The following CNOT6 variants were observed in gnomAD, a reference collection of about 807,000 sequenced individuals.
The protein encoded by CNOT6 is CCR4-NOT transcription complex subunit 6.
In CNOT6, 12 loss-of-function variants were observed where a neutral mutation model predicts 61.2. The observed-to-expected ratio is 0.20, with a 90% confidence interval of 0.13 to 0.32. CNOT6 has a LOEUF of 0.32. CNOT6 is among the 10% of genes least tolerant of loss of function. The probability of loss-of-function intolerance (pLI) is 1.00; values close to 1 mark genes in which losing one functional copy is unlikely to be tolerated. For synonymous variants in CNOT6, 225 were observed against 240.6 expected, an observed-to-expected ratio of 0.94 and a Z score of 0.60; for missense variants, 405 against 663.9, an observed-to-expected ratio of 0.61 and a Z score of 4.28.
intron 3 of CNOT6, among the ~76,000 whole-genome samples, chr5:180,550,950 T>C (rs888059604): frequency 1.3e-5 from 2 of 152,166 alleles, no homozygotes; most frequent in African/African-American, 4.8e-5. Context: ...TTATGAGTTG[T>C]GTGATCTTGG....
rs1554103628 is a variant in CNOT6 at position 180,567,237 on chromosome 5, A to C, written c.867A>C (p.Thr289=). 8 of 1,600,190 alleles carry C rather than the reference A, an allele frequency of 5.0e-6. No homozygotes were observed. The highest frequency in any genetic ancestry group is 5.9e-6 in the Non-Finnish European group (7 of 1,176,516). ...HVDGCAIFFK[T]EKFTLVQKHT... ...ATGGCTGTGCAATATTCTTCAAGAC[A>C]GAAAAGTAAGTCATCTTATTTTTTA... The change falls in exon 8 of 12, where the codon ACA becomes ACC. Residue 289 remains threonine (T), a synonymous_variant. Transcript: ENST00000261951.
intron 2 of CNOT6, among the ~76,000 whole-genome samples, chr5:180,539,551 C>G (rs563655348): frequency 0.036 from 1,332 of 37,106 alleles, 25 homozygotes; most frequent in African/African-American, 0.096. Context: ...TTTTTCTGTT[C>G]TTTTTTTTTT....
At chr5:180,539,840 C>G (rs989133780) in intron 2 of CNOT6, among the ~76,000 whole-genome samples, 1 of 151,968 alleles carries the variant, frequency 6.6e-6, no homozygotes, top group Admixed American at 6.5e-5. Context: ...CCGCCCGCCT[C>G]GGCCTCCCAA....
chr5:180,512,015 T>G (rs952418860), intron 1 of CNOT6, among the ~76,000 whole-genome samples: 6 of 152,232 alleles, frequency 3.9e-5, no homozygotes, highest in Non-Finnish European at 8.8e-5. Flanking sequence ...AATTTGTAGT[T>G]TCATTCAGCT....
In CNOT6 at chr5:180,527,087, C is replaced by G. The variant is rs549143238; in HGVS notation, c.-2-2188C>G. Reference sequence around the variant, plus strand: ...GTAAGAGATGGGGCCCAGGGTGGTGCTGGTCTCAAACTCCTGGGCCCAAGC... The same window carrying G: ...GTAAGAGATGGGGCCCAGGGTGGTGGTGGTCTCAAACTCCTGGGCCCAAGC... On this transcript the variant is annotated intron_variant, in intron 1 of 11. Coordinates refer to ENST00000261951, the MANE Select transcript of CNOT6 (RefSeq NM_001370472.1). 4.6e-5 allele frequency among the ~76,000 whole-genome samples: 7 copies of G among 152,110 alleles called. No homozygotes were observed. In the East Asian group the frequency reaches 1.4e-3, roughly 29 times the overall value.
intron 3 of CNOT6, among the ~76,000 whole-genome samples, chr5:180,552,745 T>C (rs1759687508): frequency 6.6e-6 from 1 of 152,182 alleles, no homozygotes; most frequent in African/African-American, 2.4e-5. Flanking sequence ...TCCCCCCGGC[T>C]CACCCTTGAA....
intron 11 of CNOT6, among the ~76,000 whole-genome samples, chr5:180,572,434 C>T (rs1760797845): frequency 6.6e-6 from 1 of 152,124 alleles, no homozygotes; most frequent in South Asian, 2.1e-4. Flanking sequence ...AAGTGATCCA[C>T]CCACCTTGGC....
At chr5:180,563,918 G>C (rs1226022204) in intron 4 of CNOT6, among the ~76,000 whole-genome samples, 2 of 149,964 alleles carry the variant, frequency 1.3e-5, no homozygotes, top group Non-Finnish European at 3.0e-5. Context: ...TTTACAGATG[G>C]CTCATGGCCC....
intron 1 of CNOT6, among the ~76,000 whole-genome samples, chr5:180,526,935 A>G (rs1758128301): frequency 6.7e-6 from 1 of 149,986 alleles, no homozygotes; most frequent in Admixed American, 6.7e-5. Flanking sequence ...GCTGGAGTGC[A>G]GGGACACAGT....
chr5:180,521,206 A>G (rs1332447622), intron 1 of CNOT6, among the ~76,000 whole-genome samples: 1 of 152,202 alleles, frequency 6.6e-6, no homozygotes, highest in Non-Finnish European at 1.5e-5. Context: ...GAGGGAAATT[A>G]ATCTGTAATG....
intron 2 of CNOT6, among the ~76,000 whole-genome samples, chr5:180,546,554 T>G (rs1192545052): frequency 6.6e-6 from 1 of 152,242 alleles, no homozygotes; most frequent in Non-Finnish European, 1.5e-5. Context: ...ATTATTTCTT[T>G]GTGATGTGTC....
At chr5:180,527,744 G>C (rs887305142) in intron 1 of CNOT6, among the ~76,000 whole-genome samples, 3 of 152,136 alleles carry the variant, frequency 2.0e-5, no homozygotes, top group Non-Finnish European at 4.4e-5. Context: ...TTTAGGTCTT[G>C]TAGCCCAAGG....
intron 10 of CNOT6, among the ~76,000 whole-genome samples, chr5:180,570,953 A>C (rs1760719673): frequency 6.6e-6 from 1 of 152,238 alleles, no homozygotes; most frequent in Non-Finnish European, 1.5e-5. Context: ...TTACAAAATA[A>C]GTAACCAGTA....
chr5:180,503,921 A>T (rs895820986), intron 1 of CNOT6, among the ~76,000 whole-genome samples: 1 of 151,990 alleles, frequency 6.6e-6, no homozygotes, highest in Non-Finnish European at 1.5e-5. Context: ...TCTTCTTAAC[A>T]CACTCTCATG....
At chr5:180,536,550 C>G (rs1001735016) in intron 2 of CNOT6, among the ~76,000 whole-genome samples, 3 of 152,120 alleles carry the variant, frequency 2.0e-5, no homozygotes, top group Non-Finnish European at 4.4e-5. Context: ...TCTAGTGATC[C>G]TCCTGCCTCA....
chr5:180,514,246 AC>A (rs1293923280), intron 1 of CNOT6, among the ~76,000 whole-genome samples: 1 of 147,592 alleles, frequency 6.8e-6, no homozygotes, highest in Non-Finnish European at 1.5e-5. Context: ...ACATGGTGAA[AC>A]CCCGTCTCTA....
At chr5:180,535,810 A>G (rs190640164) in intron 2 of CNOT6, among the ~76,000 whole-genome samples, 2 of 152,232 alleles carry the variant, frequency 1.3e-5, no homozygotes, top group Admixed American at 1.3e-4. Context: ...CATCCTTGCC[A>G]GCATCTGTTG....
intron 1 of CNOT6, among the ~76,000 whole-genome samples, chr5:180,514,996 A>G (rs750936109): frequency 6.6e-5 from 10 of 152,190 alleles, no homozygotes; most frequent in Non-Finnish European, 1.5e-4. Context: ...AGTGGGGAGT[A>G]CTGAACTTGT....
At chr5:180,508,834 T>A in intron 1 of CNOT6, among the ~76,000 whole-genome samples, 1 of 49,468 alleles carries the variant, frequency 2.0e-5, no homozygotes, top group Non-Finnish European at 6.2e-5. Context: ...ATTATTATTA[T>A]TTTTTTTTGA....
Sources: gnomAD v4.1 joint callset for allele counts (sites outside exome capture counted in the v4.1 genomes callset) on GRCh38, gnomAD v4.1.1 for gene constraint, MANE v1.5 for transcripts, NCBI Gene and HGNC (gene_info 2026-07-23, HGNC 2026-07-21) for gene names.